PHACTR1: variants seen among roughly 807,000 people sequenced by gnomAD.
PHACTR1 encodes the protein phosphatase and actin regulator 1, also known as RPEL repeat containing 1.
PHACTR1 carries 16 observed loss-of-function variants against 69.2 expected under a neutral mutation model. The observed-to-expected ratio is 0.23, with a 90% confidence interval of 0.16 to 0.35. The LOEUF (loss-of-function observed/expected upper bound fraction) is 0.35, where lower values mean the gene tolerates loss of function less well. Ranked by LOEUF, PHACTR1 falls within the 10% of genes least tolerant of loss-of-function variation. The pLI is 1.00. For synonymous variants in PHACTR1, 312 were observed against 284.5 expected, an observed-to-expected ratio of 1.10 and a Z score of -0.97; for missense variants, 510 against 734.7, an observed-to-expected ratio of 0.69 and a Z score of 3.54.
intron 4 of PHACTR1, among the ~76,000 whole-genome samples, chr6:12,891,349 C>T (rs1047052182): frequency 2.6e-5 from 4 of 152,138 alleles, no homozygotes; most frequent in East Asian, 1.9e-4. Context: ...GCCCCTTTTC[C>T]GTGAGTTATT....
chr6:12,791,274 A>T (rs1772238296), intron 4 of PHACTR1, among the ~76,000 whole-genome samples: 1 of 152,156 alleles, frequency 6.6e-6, no homozygotes, highest in African/African-American at 2.4e-5. Context: ...AACAATCTCA[A>T]CCTTCAGCCT....
chr6:13,283,704 C>A lies in PHACTR1; in HGVS notation c.1650+142C>A. The A allele has an allele frequency of 8.2e-7, 1 of 1,221,400 alleles. No individual in the cohort carries two copies. The highest frequency in any genetic ancestry group is 1.2e-6 in the Non-Finnish European group (1 of 856,222). 75.7% of individuals were successfully genotyped at this position (1,221,400 alleles called of 1,614,324 possible). On this transcript the variant is annotated intron_variant, in intron 13 of 14. Coordinates refer to ENST00000332995, the MANE Select transcript of PHACTR1 (RefSeq NM_030948.6). The surrounding 1 kb of genome is among the most constrained non-coding windows in gnomAD (Gnocchi z 4.7). ...TAATGGAGTGTTGAGACCCCAACACCTTTCCCCAGGGGCCACAGATAATCT... is the reference window on the plus strand; with the variant it reads ...TAATGGAGTGTTGAGACCCCAACACATTTCCCCAGGGGCCACAGATAATCT...
chr6:13,070,412 C>T (rs1489706250), intron 5 of PHACTR1, among the ~76,000 whole-genome samples: 2 of 152,122 alleles, frequency 1.3e-5, no homozygotes, highest in Non-Finnish European at 2.9e-5. Context: ...TCTCAGCGCC[C>T]CAGCAGTCCT....
At chr6:12,864,410 C>G (rs1306162537) in intron 4 of PHACTR1, among the ~76,000 whole-genome samples, 1 of 152,138 alleles carries the variant, frequency 6.6e-6, no homozygotes, top group Non-Finnish European at 1.5e-5. Flanking sequence ...GTCGGGCGCC[C>G]TGGCTCACGC....
At chr6:13,052,126 CT>C (rs1806047835) in intron 4 of PHACTR1, among the ~76,000 whole-genome samples, 2 of 152,218 alleles carry the variant, frequency 1.3e-5, no homozygotes, top group Non-Finnish European at 2.9e-5. Flanking sequence ...GTTCTTTTGA[CT>C]TTACTTCTGA....
At chr6:13,063,017 G>A (rs1271655068) in intron 5 of PHACTR1, among the ~76,000 whole-genome samples, 2 of 152,100 alleles carry the variant, frequency 1.3e-5, no homozygotes, top group African/African-American at 4.8e-5. Context: ...GTGCTCCCTT[G>A]GTGTTCCTAT....
At chr6:13,006,462 G>A (rs2127635562) in intron 4 of PHACTR1, among the ~76,000 whole-genome samples, 1 of 152,096 alleles carries the variant, frequency 6.6e-6, no homozygotes, top group East Asian at 1.9e-4. Flanking sequence ...GTGTGACCTG[G>A]GAAATTCATT....
intron 4 of PHACTR1, among the ~76,000 whole-genome samples, chr6:12,973,774 C>T (rs773589626): frequency 6.6e-6 from 1 of 152,058 alleles, no homozygotes; most frequent in African/African-American, 2.4e-5. Flanking sequence ...ACCAAAGGCA[C>T]GCTGCAAAGA....
At chr6:12,830,714 T>G (rs930169109) in intron 4 of PHACTR1, among the ~76,000 whole-genome samples, 5 of 152,040 alleles carry the variant, frequency 3.3e-5, no homozygotes, top group Admixed American at 2.0e-4. Flanking sequence ...ATCAGCCTCC[T>G]GAGTAGCTGG....
chr6:13,160,167 A>G lies in PHACTR1; in HGVS notation c.416-37A>G, dbSNP rs368081136. ...CCTTTAGAAGACAACTTTGTTACCT[A>G]CTCACATCTGCCTCCCTGTTTGTCT... On this transcript the variant is annotated intron_variant, in intron 5 of 14. Coordinates refer to ENST00000332995, the MANE Select transcript of PHACTR1 (RefSeq NM_030948.6). 1.6e-5 allele frequency: 25 copies of G among 1,567,180 alleles called. No homozygotes were observed. In the African/African-American group the frequency reaches 3.2e-4, roughly 20 times the overall value.
rs114759129 is a variant in PHACTR1, at chr6:13,092,697, C to G, written c.415+39168C>G. ...AGTCCCATCTGGCGGTGATGGGAGA[C>G]AGTGAGGAAATGGGAACGTGGAAAA... On this transcript the variant is annotated intron_variant, in intron 5 of 14. Transcript: ENST00000332995. Among the ~76,000 whole-genome samples the G allele has an allele frequency of 1.6e-3, 250 of 152,206 alleles. 1 individual carries two copies. The highest frequency in any genetic ancestry group is 5.9e-3 in the African/African-American group (245 of 41,520).
intron 4 of PHACTR1, among the ~76,000 whole-genome samples, chr6:12,955,651 C>A (rs1791807145): frequency 6.6e-6 from 1 of 152,168 alleles, no homozygotes; most frequent in African/African-American, 2.4e-5. Context: ...TAACACCTTC[C>A]TATGTGTCTT....
chr6:12,748,337 G>C (rs989996281), intron 3 of PHACTR1, among the ~76,000 whole-genome samples: 1 of 152,210 alleles, frequency 6.6e-6, no homozygotes, highest in Admixed American at 6.5e-5. Flanking sequence ...CGCTGAAGTG[G>C]AGAGGGGGGG....
intron 4 of PHACTR1, among the ~76,000 whole-genome samples, chr6:12,847,263 G>A (rs1188616317): frequency 6.6e-6 from 1 of 152,042 alleles, no homozygotes; most frequent in African/African-American, 2.4e-5. Flanking sequence ...CATTATATAT[G>A]TATATGTATA....
At chr6:13,076,917 A>G (rs1445999067) in intron 5 of PHACTR1, among the ~76,000 whole-genome samples, 1 of 121,960 alleles carries the variant, frequency 8.2e-6, no homozygotes, top group Non-Finnish European at 1.6e-5. Flanking sequence ...GGTAGTTGAA[A>G]GTGATATCAC....
chr6:13,080,271 G>A (rs1430371935), intron 5 of PHACTR1, among the ~76,000 whole-genome samples: 3 of 152,088 alleles, frequency 2.0e-5, no homozygotes, highest in Admixed American at 1.3e-4. Flanking sequence ...GTTATTTCAA[G>A]TGCTGGAGTT....
chr6:13,284,941 C>G (rs1341684572), intron 13 of PHACTR1, among the ~76,000 whole-genome samples: 1 of 152,196 alleles, frequency 6.6e-6, no homozygotes, highest in African/African-American at 2.4e-5. Flanking sequence ...GCATTCACAT[C>G]TTCTCTGCAA....
At chr6:13,274,818 T>C (rs565243273) in intron 11 of PHACTR1, 2 of 152,288 alleles carry the variant, frequency 1.3e-5, no homozygotes, top group African/African-American at 4.8e-5. Context: ...ATGGTTCTCT[T>C]TTATTCTCTT....
At chr6:13,258,311 C>T (rs947907442) in intron 10 of PHACTR1, among the ~76,000 whole-genome samples, 6 of 150,830 alleles carry the variant, frequency 4.0e-5, no homozygotes, top group African/African-American at 1.2e-4. Context: ...GCTGAGATCG[C>T]GCCACTGCAC....
Sources: gnomAD v4.1 joint callset for allele counts (sites outside exome capture counted in the v4.1 genomes callset) on GRCh38, gnomAD v4.1.1 for gene constraint, Gnocchi (gnomAD v3.1) non-coding constraint, MANE v1.5 for transcripts, NCBI Gene and HGNC (gene_info 2026-07-23, HGNC 2026-07-21) for gene names.